QKI: variants seen among roughly 807,000 people sequenced by gnomAD.
The protein encoded by QKI is QKI, KH domain containing RNA binding.
Under a neutral mutation model 39.0 loss-of-function variants are expected in QKI, and 10 were observed. The ratio of observed to expected loss-of-function variants is 0.26; its 90% confidence interval spans 0.16 to 0.43. The LOEUF is 0.43. QKI is among the 20% of genes least tolerant of loss of function. The pLI is 1.00. For synonymous variants in QKI, 204 were observed against 155.4 expected, an observed-to-expected ratio of 1.31 and a Z score of -2.33; for missense variants, 218 against 428.0, an observed-to-expected ratio of 0.51 and a Z score of 4.33.
At chr6:163,465,345 G>A (rs1350598349) in intron 2 of QKI, among the ~76,000 whole-genome samples, 1 of 151,964 alleles carries the variant, frequency 6.6e-6, no homozygotes, top group Non-Finnish European at 1.5e-5. Flanking sequence ...AGAAATAAAG[G>A]CAGCCAGGAG....
intron 3 of QKI, among the ~76,000 whole-genome samples, chr6:163,531,705 C>T (rs1277806281): frequency 2.6e-5 from 4 of 152,164 alleles, no homozygotes; most frequent in African/African-American, 9.7e-5. Context: ...CAGGGTCTGA[C>T]TGTTCCCCAG....
intron 3 of QKI, among the ~76,000 whole-genome samples, chr6:163,494,540 C>T (rs1462551314): frequency 6.6e-6 from 1 of 152,188 alleles, no homozygotes; most frequent in Non-Finnish European, 1.5e-5. Flanking sequence ...CACCCAAATG[C>T]TCTTTTTTGA....
intron 2 of QKI, chr6:163,457,577 C>A: frequency 2.5e-6 from 1 of 393,338 alleles, no homozygotes; most frequent in Non-Finnish European, 5.1e-6. Context: ...AGCAATTTGC[C>A]TGTTAAGCCC....
chr6:163,505,403 C>G (rs573032047), intron 3 of QKI, among the ~76,000 whole-genome samples: 22 of 152,318 alleles, frequency 1.4e-4, no homozygotes, highest in Admixed American at 1.2e-3. Context: ...CCTAGAAAAG[C>G]TGCAGGCACT....
intron 1 of QKI, among the ~76,000 whole-genome samples, chr6:163,429,321 C>T (rs1361985217): frequency 6.6e-6 from 1 of 152,070 alleles, no homozygotes; most frequent in East Asian, 1.9e-4. Flanking sequence ...GCACTGATAG[C>T]TGCTCTTAAT....
chr6:163,546,420 C>T (rs1781879108), intron 4 of QKI, among the ~76,000 whole-genome samples: 1 of 151,832 alleles, frequency 6.6e-6, no homozygotes, highest in South Asian at 2.1e-4. Flanking sequence ...ATTTAATGTG[C>T]CTGTGTTTTA....
intron 1 of QKI, among the ~76,000 whole-genome samples, chr6:163,419,384 C>T (rs1787807163): frequency 6.6e-6 from 1 of 151,894 alleles, no homozygotes; most frequent in Admixed American, 6.6e-5. Context: ...AGGACTCTTG[C>T]TATACAGATT....
chr6:163,504,053 G>A (rs2128232703), intron 3 of QKI, among the ~76,000 whole-genome samples: 1 of 151,930 alleles, frequency 6.6e-6, no homozygotes, highest in East Asian at 1.9e-4. Flanking sequence ...GTTAATTTTT[G>A]TATATTGTGA....
At chr6:163,487,284 C>A (rs1484174056) in intron 3 of QKI, among the ~76,000 whole-genome samples, 1 of 152,078 alleles carries the variant, frequency 6.6e-6, no homozygotes, top group Non-Finnish European at 1.5e-5. Context: ...CATTGCCTCT[C>A]TCCTTTCAAG....
At chr6:163,543,300 A>G (rs1483907635) in intron 4 of QKI, among the ~76,000 whole-genome samples, 1 of 152,034 alleles carries the variant, frequency 6.6e-6, no homozygotes, top group Admixed American at 6.6e-5. Flanking sequence ...ATTAAAACAT[A>G]TATTAAAAGA....
At chr6:163,444,279 T>C (rs1003462299) in intron 1 of QKI, among the ~76,000 whole-genome samples, 3 of 152,196 alleles carry the variant, frequency 2.0e-5, no homozygotes, top group African/African-American at 7.2e-5. Flanking sequence ...ATAAATGTGA[T>C]GTGGTCTAAT....
In QKI at chr6:163,563,626, G is replaced by A. The variant is rs1355896222; in HGVS notation, c.841G>A (p.Ala281Thr). ...TAAIVPPGPE[A>T]GLIYTPYEYP... The stretch of plus-strand genomic sequence containing the variant: ...TGCAATAGTTCCTCCAGGGCCCGAA[G>A]CTGGTTTAATCTATACACCCTATGA... Residue 281 changes from alanine to threonine, a missense_variant, in exon 6 of 8, where the codon GCT becomes ACT. Coordinates refer to ENST00000361752, the MANE Select transcript of QKI (RefSeq NM_006775.3). 1 of 1,614,158 alleles carries A rather than the reference G, an allele frequency of 6.2e-7. No individual in the cohort carries two copies. The highest frequency in any genetic ancestry group is 1.1e-5 in the South Asian group (1 of 91,086).
chr6:163,497,756 C>G (rs1173538685), intron 3 of QKI, among the ~76,000 whole-genome samples: 1 of 151,322 alleles, frequency 6.6e-6, no homozygotes, highest in Non-Finnish European at 1.5e-5. Flanking sequence ...TTTGATTTGC[C>G]TAGGATAGTT....
At chr6:163,568,346 AG>A in intron 7 of QKI, 2 of 985,536 alleles carry the variant, frequency 2.0e-6, no homozygotes, top group Non-Finnish European at 2.4e-6. Context: ...TTAATACTCC[AG>A]TGCCTTGAGA....
chr6:163,566,672 C>A, intron 6 of QKI, 49 bp from the exon 7 acceptor site: 1 of 1,602,032 alleles, frequency 6.2e-7, no homozygotes, highest in Non-Finnish European at 8.5e-7. Flanking sequence ...GTTTTTTCCC[C>A]CCTTGTGAAT....
intron 3 of QKI, among the ~76,000 whole-genome samples, chr6:163,525,173 C>T (rs1780412840): frequency 6.6e-6 from 1 of 152,062 alleles, no homozygotes; most frequent in Non-Finnish European, 1.5e-5. Flanking sequence ...GCACAGTGAA[C>T]CATGTGCTGC....
rs1437952033 is a variant in QKI at position 163,571,507 on chromosome 6, T to G, written c.*797T>G. On this transcript the variant is annotated 3_prime_UTR_variant, in exon 8 of 8. Coordinates refer to ENST00000361752, the MANE Select transcript of QKI (RefSeq NM_006775.3). ...TTACTGGGCAAACTGTTCAAGTATT[T>G]TTTTTTAAACCTCCCTGTATAGAAA... 1 of 152,198 alleles carries G rather than the reference T, an allele frequency of 6.6e-6. No individual in the cohort carries two copies. The highest frequency in any genetic ancestry group is 1.5e-5 in the Non-Finnish European group (1 of 68,034). 9.4% of individuals were successfully genotyped at this position (152,198 alleles called of 1,614,324 possible).
intron 2 of QKI, among the ~76,000 whole-genome samples, chr6:163,463,622 G>A (rs1160541198): frequency 6.6e-6 from 1 of 152,120 alleles, no homozygotes; most frequent in Non-Finnish European, 1.5e-5. Flanking sequence ...GATATAACTG[G>A]ATAATAAGCT....
chr6:163,542,983 C>T (rs1332588982), intron 4 of QKI, among the ~76,000 whole-genome samples: 1 of 151,882 alleles, frequency 6.6e-6, no homozygotes, highest in Non-Finnish European at 1.5e-5. Flanking sequence ...GCATCTGTTA[C>T]AAAATGCACT....
Sources: gnomAD v4.1 joint callset for allele counts (sites outside exome capture counted in the v4.1 genomes callset) on GRCh38, gnomAD v4.1.1 for gene constraint, MANE v1.5 for transcripts, NCBI Gene and HGNC (gene_info 2026-07-23, HGNC 2026-07-21) for gene names.